The following NNT variants were observed in gnomAD, a reference collection of about 807,000 sequenced individuals.
NNT encodes NAD(P) transhydrogenase, mitochondrial.
A neutral mutation model predicts 104.8 loss-of-function variants in NNT; 50 were observed. The ratio of observed to expected loss-of-function variants is 0.48; its 90% CI spans 0.38 to 0.60. The LOEUF is 0.60. Among genes scored for constraint, NNT ranks in the 20% least tolerant of loss-of-function variants. NNT has a pLI of 0.00. For synonymous variants in NNT, 461 were observed against 490.4 expected (o/e 0.94, Z 0.79); for missense variants, 1,131 against 1,330.7 (o/e 0.85, Z 2.33).
At chr5:43,650,627 G>A in intron 12 of NNT, 40 bp downstream of exon 12, 2 of 1,420,540 alleles carry the variant, frequency 1.4e-6, no homozygotes, top group South Asian at 2.3e-5. Flanking sequence ...ATTTTCAATG[G>A]AGACATACAA....
chr5:43,630,555 A>C (rs1397078006), intron 7 of NNT, among the ~76,000 whole-genome samples: 1 of 152,194 alleles, frequency 6.6e-6, no homozygotes, highest in African/African-American at 2.4e-5. Flanking sequence ...GTTTTCAGCC[A>C]AATTGTGAGC....
At chr5:43,676,842 G>A (rs942116129) in intron 18 of NNT, among the ~76,000 whole-genome samples, 2 of 152,150 alleles carry the variant, frequency 1.3e-5, no homozygotes, top group Non-Finnish European at 2.9e-5. Flanking sequence ...TTGTAGGGAG[G>A]CGACGATTTG....
At chr5:43,702,327 TA>T (rs1043115360) in intron 20 of NNT, among the ~76,000 whole-genome samples, 4 of 152,180 alleles carry the variant, frequency 2.6e-5, no homozygotes, top group African/African-American at 9.7e-5. Context: ...TTTGAGATCA[TA>T]AAAGTTATAG....
chr5:43,607,292 A>G (rs1210736126), intron 1 of NNT, among the ~76,000 whole-genome samples: 1 of 152,210 alleles, frequency 6.6e-6, no homozygotes, highest in Admixed American at 6.5e-5. Flanking sequence ...TTAACTGATG[A>G]CATTCCACCA....
chr5:43,675,440 A>T, intron 17 of NNT, 71 bp from the exon 18 acceptor site: 1 of 1,307,626 alleles, frequency 7.6e-7, no homozygotes. Flanking sequence ...AATATCATAT[A>T]CACAACATTT....
Position 43,651,818 on chromosome 5 carries a change from G to A in NNT, c.1797G>A (p.Leu599=), listed in dbSNP as rs756229028. 2 of 1,614,052 alleles carry A rather than the reference G, an allele frequency of 1.2e-6. No homozygotes were observed. The highest frequency in any genetic ancestry group is 1.1e-5 in the South Asian group (1 of 91,056). ...TDPPEYNYLY[L]LPAGTFVGGY... is the part of the protein sequence containing the mutation. ...CCCCAGAATACAACTACCTGTACCT[G>A]CTCCCTGCCGGCACCTTTGTTGGTG... The change falls in exon 13 of 22, where the codon CTG becomes CTA. Residue 599 remains leucine (L), a synonymous_variant. Coordinates refer to ENST00000344920, the MANE Select transcript of NNT (RefSeq NM_182977.3).
chr5:43,665,827 T>C (rs113752239), intron 17 of NNT, among the ~76,000 whole-genome samples: 24,415 of 94,696 alleles, frequency 0.26, 5,402 homozygotes, highest in African/African-American at 0.35. Flanking sequence ...CCCCACCTCC[T>C]GGACGGGGTG....
At position 43,651,772 on chromosome 5, in the gene NNT, T is replaced by C; in HGVS notation, c.1751T>C (p.Met584Thr). 1 of 1,614,160 alleles carries C rather than the reference T, an allele frequency of 6.2e-7. No homozygotes were observed. The highest frequency in any genetic ancestry group is 8.5e-7 in the Non-Finnish European group (1 of 1,180,026). Reference protein sequence around the residue: ...GFLVTQRMLDMFKRPTDPPEY... With the variant: ...GFLVTQRMLDTFKRPTDPPEY... ...CTGGTGACTCAGAGAATGCTGGACATGTTCAAGCGTCCCACTGACCCCCCA... is the reference window on the plus strand; with the variant it reads ...CTGGTGACTCAGAGAATGCTGGACACGTTCAAGCGTCCCACTGACCCCCCA... The change falls in exon 13 of 22, where the codon ATG becomes ACG. Residue 584 changes from methionine to threonine, a missense_variant. Met to Thr is a moderately conservative substitution (Grantham distance 81). Transcript: ENST00000344920.
chr5:43,641,676 G>C lies in NNT; in HGVS notation c.965-2516G>C, dbSNP rs536883198. Among the ~76,000 whole-genome samples, 3 of 152,014 alleles carry C rather than the reference G, an allele frequency of 2.0e-5. No homozygotes were observed. In the South Asian group the frequency reaches 6.2e-4, roughly 31 times the overall value. On this transcript the variant is annotated intron_variant, in intron 7 of 21. Coordinates refer to ENST00000344920, the MANE Select transcript of NNT (RefSeq NM_182977.3). ...TGCTTTTTACTTATAATAATTCCAT[G>C]TCTTTAAATTTTCTTGTGTGACTTA...
chr5:43,681,820 G>A lies in NNT; in HGVS notation c.2876+4014G>A, dbSNP rs182100726. 1.9e-3 allele frequency among the ~76,000 whole-genome samples: 290 copies of A among 152,318 alleles called. 2 individuals are homozygous for A. Among genetic ancestry groups the A allele is most frequent in the Admixed American group, 8.2e-3 (126 of 15,306 alleles). Reference sequence around the variant, plus strand: ...CTAGGTACTGAGCATACAAGGATGCGTAAGTCCAGTCCTCAAAAGTTTATA... The same window carrying A: ...CTAGGTACTGAGCATACAAGGATGCATAAGTCCAGTCCTCAAAAGTTTATA... On this transcript the variant is annotated intron_variant, in intron 19 of 21. Transcript: ENST00000344920.
intron 17 of NNT, among the ~76,000 whole-genome samples, chr5:43,671,475 C>A (rs919103627): frequency 2.0e-5 from 3 of 152,144 alleles, no homozygotes; most frequent in Admixed American, 6.6e-5. Flanking sequence ...GTAAGGCAGG[C>A]CTGGCGGTGA....
chr5:43,696,107 G>A (rs1160943770), intron 19 of NNT, among the ~76,000 whole-genome samples: 2 of 152,158 alleles, frequency 1.3e-5, no homozygotes, highest in South Asian at 2.1e-4. Context: ...TAACTCAAAA[G>A]TCCACAGTCC....
intron 19 of NNT, among the ~76,000 whole-genome samples, chr5:43,699,583 A>C (rs1193874221): frequency 2.0e-5 from 3 of 151,946 alleles, no homozygotes; most frequent in Non-Finnish European, 2.9e-5. Flanking sequence ...TGAACTCCTG[A>C]CCTCAAGTGA....
chr5:43,695,182 TA>T (rs1742494717), intron 19 of NNT, among the ~76,000 whole-genome samples: 1 of 152,294 alleles, frequency 6.6e-6, no homozygotes. Flanking sequence ...TTATTAGCTT[TA>T]AAGATGTCGA....
intron 19 of NNT, among the ~76,000 whole-genome samples, chr5:43,681,769 CT>C (rs1199412654): frequency 7.9e-5 from 12 of 152,208 alleles, no homozygotes; most frequent in African/African-American, 2.9e-4. Flanking sequence ...TATCCTTCTA[CT>C]AATAACTTAC....
chr5:43,700,051 T>G, intron 19 of NNT, 68 bp from the exon 20 acceptor site: 1 of 1,169,630 alleles, frequency 8.5e-7, no homozygotes, highest in Non-Finnish European at 1.2e-6. Flanking sequence ...GATTTGGAGG[T>G]GATATTGGGG....
In NNT at chr5:43,649,248, G is replaced by A. The variant is rs367558397; in HGVS notation, c.1546G>A (p.Val516Ile). The stretch of plus-strand genomic sequence containing the variant: ...GGCTGGCATTGTGGGGTATCATACC[G>A]TCTGGGGAGTGACCCCTGCTCTCCA... ...GLAGIVGYHT[V>I]WGVTPALHSP... is the part of the protein sequence containing the mutation. Residue 516 changes from valine to isoleucine, a missense_variant, in exon 11 of 22, where the codon GTC becomes ATC. Val to Ile is a conservative substitution (Grantham distance 29). Transcript: ENST00000344920. 1.3e-4 allele frequency: 217 copies of A among 1,614,174 alleles called. 1 individual carries two copies. Among genetic ancestry groups the A allele is most frequent in the East Asian group, 5.3e-4 (24 of 44,868 alleles).
intron 9 of NNT, among the ~76,000 whole-genome samples, 155 bp from the exon 10 acceptor site, chr5:43,645,202 A>C (rs958692094): frequency 3.9e-5 from 6 of 152,166 alleles, no homozygotes; most frequent in Admixed American, 2.6e-4. Flanking sequence ...TATGTGACAT[A>C]TTTATGTAAA....
chr5:43,619,054 G>A lies in NNT; in HGVS notation c.622G>A (p.Ala208Thr). 1 of 1,550,160 alleles carries A rather than the reference G, an allele frequency of 6.5e-7. No individual in the cohort carries two copies. The highest frequency in any genetic ancestry group is 1.3e-5 in the South Asian group (1 of 76,752). The change falls in exon 5 of 22, where the codon GCA (alanine) becomes ACA (threonine). Residue 208 changes from alanine (A) to threonine (T), a missense_variant. By Grantham distance (58) the Ala-to-Thr change is moderately conservative. Transcript: ENST00000344920. ...AAGTTATAAGGCTGTTGTCCTAGCA[G>A]CAAATCATTTTGGACGTTTTTTTAC... ...IAGYKAVVLA[A>T]NHFGRFFTGQ...
Sources: allele counts gnomAD v4.1 joint callset (sites outside exome capture counted in the v4.1 genomes callset), GRCh38; gene constraint gnomAD v4.1.1; transcripts MANE v1.5; gene names NCBI Gene and HGNC (gene_info 2026-07-23, HGNC 2026-07-21).